Variants in DLG1 observed in about 807,000 individuals in gnomAD.
DLG1 encodes the protein discs large MAGUK scaffold protein 1, also known as disks large homolog 1.
Under a neutral mutation model 123.4 loss-of-function variants are expected in DLG1, and 42 were observed. The observed-to-expected ratio is 0.34, with a 90% CI of 0.27 to 0.44. The LOEUF (loss-of-function observed/expected upper bound fraction) is 0.44. Among genes scored for constraint, DLG1 ranks in the 20% least tolerant of loss-of-function variants. DLG1 has a pLI of 1.00. For synonymous variants in DLG1, 317 were observed against 356.2 expected (o/e 0.89, Z 1.24); for missense variants, 942 against 1,082.6 (o/e 0.87, Z 1.82).
At position 197,209,616 on chromosome 3, in the gene DLG1, T is replaced by A. The variant is rs144409148; in HGVS notation, c.319-15027A>T. 3.1e-3 allele frequency among the ~76,000 whole-genome samples: 462 copies of A among 146,812 alleles called. 13 individuals are homozygous for A. Among genetic ancestry groups the A allele is most frequent in the African/African-American group, 0.011 (438 of 41,298 alleles). On this transcript the variant is annotated intron_variant, in intron 4 of 24. Transcript: ENST00000667157. ...ACATTTGCCAATACAGACCATATGC[T>A]AGGCCACAAAACAAGTCACAAATTT...
At chr3:197,245,123 ATTCT>A (rs1242142690) in intron 4 of DLG1, among the ~76,000 whole-genome samples, 1 of 152,058 alleles carries the variant, frequency 6.6e-6, no homozygotes, top group East Asian at 1.9e-4. Flanking sequence ...GGTTTGGTTC[ATTCT>A]TTCTACTCTT....
intron 11 of DLG1, among the ~76,000 whole-genome samples, chr3:197,123,480 A>G (rs1777462532): frequency 6.6e-6 from 1 of 152,362 alleles, no homozygotes; most frequent in East Asian, 1.9e-4. Context: ...AGCAATAAGC[A>G]CAGGCAAAAA....
chr3:197,204,406 G>A (rs1008282305), intron 4 of DLG1, among the ~76,000 whole-genome samples: 3 of 152,122 alleles, frequency 2.0e-5, no homozygotes, highest in Admixed American at 6.5e-5. Context: ...TTTCAAATGG[G>A]GTTAACTATG....
Position 197,297,220 on chromosome 3 carries a change from G to C in DLG1, c.-16C>G. ...GGACCGGCATTTTTCTCCAGAATCA[G>C]GAAGAGGGCACACACCTTTAAAACA... On this transcript the variant is annotated 5_prime_UTR_variant, in exon 2 of 25. Coordinates refer to ENST00000667157, the MANE Select transcript of DLG1 (RefSeq NM_001366207.1). 6.2e-7 allele frequency: 1 copy of C among 1,614,068 alleles called. No individual in the cohort carries two copies.
chr3:197,045,550 G>A (rs1388903742), intron 24 of DLG1, among the ~76,000 whole-genome samples: 1 of 151,118 alleles, frequency 6.6e-6, no homozygotes, highest in African/African-American at 2.4e-5. Context: ...AGATCAGCCT[G>A]GGGAACATAG....
chr3:197,208,930 T>C (rs1189471617), intron 4 of DLG1, among the ~76,000 whole-genome samples: 2 of 145,862 alleles, frequency 1.4e-5, no homozygotes, highest in African/African-American at 2.4e-5. Flanking sequence ...TTTTAATGAG[T>C]TGATAAAACA....
chr3:197,082,741 A>AT (rs1751948404), intron 16 of DLG1, among the ~76,000 whole-genome samples: 1 of 152,190 alleles, frequency 6.6e-6, no homozygotes, highest in Non-Finnish European at 1.5e-5. Context: ...TTCTTACTGT[A>AT]TTTTACGGGA....
chr3:197,147,365 A>G (rs9856349), intron 6 of DLG1, among the ~76,000 whole-genome samples: 114,395 of 151,678 alleles, frequency 0.75, 43,257 homozygotes, highest in East Asian at 0.82. Context: ...CGCAATTCAC[A>G]ATTGCAAAAA....
Position 197,158,491 on chromosome 3 carries a change from G to A in DLG1, c.484-8695C>T, listed in dbSNP as rs956634208. Among the ~76,000 whole-genome samples, 11 of 150,978 alleles carry A rather than the reference G, an allele frequency of 7.3e-5. 1 individual carries two copies. In the South Asian group the frequency reaches 1.0e-3, roughly 14 times the overall value. ...AAAAAAAAAAAAAAAAAAATTAGCCGGGCGTGGTGGCACATGCCTGTAATC... is the reference window on the plus strand; with the variant it reads ...AAAAAAAAAAAAAAAAAAATTAGCCAGGCGTGGTGGCACATGCCTGTAATC... On this transcript the variant is annotated intron_variant, in intron 5 of 24. Transcript: ENST00000667157.
chr3:197,157,435 A>C (rs1442347885), intron 5 of DLG1, among the ~76,000 whole-genome samples: 1 of 152,214 alleles, frequency 6.6e-6, no homozygotes, highest in Non-Finnish European at 1.5e-5. Context: ...TAGCATCGAA[A>C]AGAACAAATT....
chr3:197,105,655 G>C lies in DLG1; in HGVS notation c.1444-650C>G, dbSNP rs1259267240. Reference sequence around the variant, plus strand: ...TAGGTACAATCCTACTCCAGAAGAAGAGGCAACTTAATTCTTATTTCTCAA... The same window carrying C: ...TAGGTACAATCCTACTCCAGAAGAACAGGCAACTTAATTCTTATTTCTCAA... On this transcript the variant is annotated intron_variant, in intron 13 of 24. Transcript: ENST00000667157. 5.3e-5 allele frequency among the ~76,000 whole-genome samples: 8 copies of C among 152,146 alleles called. 1 individual carries two copies. Among genetic ancestry groups the C allele is most frequent in the Admixed American group, 5.2e-4 (8 of 15,276 alleles).
intron 11 of DLG1, among the ~76,000 whole-genome samples, chr3:197,125,409 G>C (rs996987182): frequency 6.6e-6 from 1 of 152,128 alleles, no homozygotes; most frequent in Non-Finnish European, 1.5e-5. Flanking sequence ...ATTCTGCTGC[G>C]AAGAAGAAGG....
intron 13 of DLG1, among the ~76,000 whole-genome samples, chr3:197,110,570 T>G (rs1455103158): frequency 6.6e-6 from 1 of 152,200 alleles, no homozygotes; most frequent in Admixed American, 6.5e-5. Context: ...TTTCCGCTTG[T>G]CTCAAAATTT....
chr3:197,226,111 G>T (rs1212396526), intron 4 of DLG1: 2 of 152,080 alleles, frequency 1.3e-5, no homozygotes, highest in East Asian at 1.9e-4. Flanking sequence ...ATTCTTCATT[G>T]TTTCCACCCC....
chr3:197,054,832 T>G (rs933322298), intron 23 of DLG1, among the ~76,000 whole-genome samples: 1 of 151,902 alleles, frequency 6.6e-6, no homozygotes, highest in Non-Finnish European at 1.5e-5. Flanking sequence ...TTTTTTTTTT[T>G]GAGACGGAGT....
chr3:197,263,863 G>C (rs1208639691), intron 4 of DLG1, among the ~76,000 whole-genome samples: 2 of 152,152 alleles, frequency 1.3e-5, no homozygotes, highest in East Asian at 3.9e-4. Flanking sequence ...GGGATAGCAG[G>C]GTGACCACAA....
At chr3:197,235,711 A>C (rs1321260707) in intron 4 of DLG1, among the ~76,000 whole-genome samples, 1 of 152,228 alleles carries the variant, frequency 6.6e-6, no homozygotes, top group African/African-American at 2.4e-5. Context: ...ACTTAGGAAC[A>C]CTCAATTACA....
At chr3:197,197,924 A>T (rs1018527307) in intron 4 of DLG1, among the ~76,000 whole-genome samples, 1 of 152,188 alleles carries the variant, frequency 6.6e-6, no homozygotes, top group Non-Finnish European at 1.5e-5. Flanking sequence ...TATTGGGACA[A>T]CTGCATGCAA....
At chr3:197,131,781 G>C (rs1340099197) in intron 10 of DLG1, among the ~76,000 whole-genome samples, 1 of 150,834 alleles carries the variant, frequency 6.6e-6, no homozygotes, top group Non-Finnish European at 1.5e-5. Context: ...TTTTAGTAGA[G>C]ACGGGGTTTC....
Sources: allele counts gnomAD v4.1 joint callset (sites outside exome capture counted in the v4.1 genomes callset), GRCh38; gene constraint gnomAD v4.1.1; transcripts MANE v1.5; gene names NCBI Gene and HGNC (gene_info 2026-07-23, HGNC 2026-07-21).